Variants in CNTN5 observed in about 807,000 individuals in gnomAD.
CNTN5 encodes contactin-5.
A neutral mutation model predicts 129.1 loss-of-function variants in CNTN5; 77 were observed. That is an observed-to-expected ratio of 0.60 (90% CI 0.50 to 0.72). The LOEUF (loss-of-function observed/expected upper bound fraction) is 0.72, where lower values mean the gene tolerates loss of function less well. Ranked by LOEUF, CNTN5 falls within the 30% of genes least tolerant of loss-of-function variation. CNTN5 has a pLI of 0.00. For missense variants in CNTN5, 1,478 were observed against 1,328.8 expected, an observed-to-expected ratio of 1.11 and a Z score of -1.75; for synonymous variants, 509 against 465.6, an observed-to-expected ratio of 1.09 and a Z score of -1.20.
chr11:99,860,891 C>T (rs1265129050), intron 6 of CNTN5, among the ~76,000 whole-genome samples: 1 of 150,110 alleles, frequency 6.7e-6, no homozygotes, highest in Non-Finnish European at 1.5e-5. Context: ...TTACTTTGGG[C>T]AGTGTGGGCA....
intron 7 of CNTN5, among the ~76,000 whole-genome samples, chr11:99,940,918 T>C (rs973219727): frequency 1.3e-5 from 2 of 152,144 alleles, no homozygotes; most frequent in African/African-American, 4.8e-5. Context: ...GTAGTCTTGA[T>C]AGAAAAATAA....
chr11:99,794,928 G>T (rs1034148857), intron 3 of CNTN5, among the ~76,000 whole-genome samples: 4 of 152,020 alleles, frequency 2.6e-5, no homozygotes, highest in African/African-American at 9.7e-5. Flanking sequence ...ATAATATCTT[G>T]CAGGGGTTCT....
At chr11:99,124,400 G>A (rs746878531) in intron 1 of CNTN5, among the ~76,000 whole-genome samples, 2 of 152,084 alleles carry the variant, frequency 1.3e-5, no homozygotes, top group African/African-American at 2.4e-5. Context: ...CTTTGCTAAA[G>A]TTGTTGGTAA....
intron 3 of CNTN5, among the ~76,000 whole-genome samples, chr11:99,657,045 C>T (rs1405363807): frequency 6.8e-6 from 1 of 146,174 alleles, no homozygotes; most frequent in Non-Finnish European, 1.5e-5. Flanking sequence ...TTCCCTCTGT[C>T]CCAGTGCCCA....
At chr11:99,649,671 A>G (rs1407070579) in intron 3 of CNTN5, among the ~76,000 whole-genome samples, 1 of 151,790 alleles carries the variant, frequency 6.6e-6, no homozygotes, top group Non-Finnish European at 1.5e-5. Context: ...AGAAAGCAAA[A>G]TTATCTGGAG....
chr11:99,166,345 G>C (rs1860864588), intron 1 of CNTN5, among the ~76,000 whole-genome samples: 1 of 147,664 alleles, frequency 6.8e-6, no homozygotes, highest in Non-Finnish European at 1.5e-5. Context: ...AGGTTGCAGT[G>C]AGCCAAGATT....
chr11:100,229,077 A>AT (rs1221586787), intron 16 of CNTN5, among the ~76,000 whole-genome samples: 1 of 152,166 alleles, frequency 6.6e-6, no homozygotes, highest in East Asian at 1.9e-4. Context: ...CTAATTATAT[A>AT]TTCATCTACA....
intron 1 of CNTN5, among the ~76,000 whole-genome samples, chr11:99,324,270 G>A (rs867589243): frequency 9.2e-5 from 14 of 152,050 alleles, no homozygotes; most frequent in African/African-American, 3.4e-4. Context: ...ATTTTAACAT[G>A]GAATCTTACT....
intron 18 of CNTN5, among the ~76,000 whole-genome samples, chr11:100,277,467 G>A (rs910491060): frequency 1.3e-5 from 2 of 151,976 alleles, no homozygotes; most frequent in African/African-American, 4.8e-5. Context: ...CTTTTCTCTA[G>A]ATCCTCACTA....
At chr11:100,265,644 C>T (rs1489848902) in intron 17 of CNTN5, among the ~76,000 whole-genome samples, 1 of 152,028 alleles carries the variant, frequency 6.6e-6, no homozygotes, top group African/African-American at 2.4e-5. Context: ...CCAAAATGAG[C>T]ATAAAAAATA....
At chr11:99,290,860 T>G (rs1344232759) in intron 1 of CNTN5, among the ~76,000 whole-genome samples, 1 of 151,898 alleles carries the variant, frequency 6.6e-6, no homozygotes, top group South Asian at 2.1e-4. Context: ...CTGGTTTCAT[T>G]AAAGTTATGC....
chr11:99,966,245 T>G (rs1035382872), intron 8 of CNTN5, among the ~76,000 whole-genome samples: 12 of 152,320 alleles, frequency 7.9e-5, no homozygotes, highest in African/African-American at 2.9e-4. Context: ...AGAAATTGAA[T>G]TTTACTTAAT....
At chr11:99,179,493 A>T (rs1481048164) in intron 1 of CNTN5, among the ~76,000 whole-genome samples, 2 of 152,144 alleles carry the variant, frequency 1.3e-5, no homozygotes, top group Non-Finnish European at 2.9e-5. Context: ...CATAAAAAAC[A>T]ACAAAAAAAG....
intron 3 of CNTN5, among the ~76,000 whole-genome samples, chr11:99,716,746 G>C (rs753212827): frequency 2.0e-5 from 3 of 152,078 alleles, no homozygotes; most frequent in African/African-American, 7.2e-5. Context: ...GTTTTAAATA[G>C]TTTAAGTTCT....
At chr11:99,599,970 A>T (rs189777960) in intron 3 of CNTN5, among the ~76,000 whole-genome samples, 10 of 152,288 alleles carry the variant, frequency 6.6e-5, no homozygotes, top group African/African-American at 1.9e-4. Flanking sequence ...AGAGAAAAAA[A>T]CCTTTCCTGA....
At chr11:99,673,589 C>G (rs1953140677) in intron 3 of CNTN5, among the ~76,000 whole-genome samples, 1 of 152,074 alleles carries the variant, frequency 6.6e-6, no homozygotes, top group South Asian at 2.1e-4. Flanking sequence ...CATCCTCTCC[C>G]TCCTCCCACC....
At chr11:99,948,628 T>G (rs1452031126) in intron 7 of CNTN5, among the ~76,000 whole-genome samples, 1 of 152,216 alleles carries the variant, frequency 6.6e-6, no homozygotes, top group Non-Finnish European at 1.5e-5. Flanking sequence ...AGATCGATGC[T>G]TTGTAATAAT....
At chr11:99,997,297 T>C (rs1247598243) in intron 8 of CNTN5, among the ~76,000 whole-genome samples, 1 of 152,224 alleles carries the variant, frequency 6.6e-6, no homozygotes, top group Non-Finnish European at 1.5e-5. Context: ...ATGTGTTTGC[T>C]CTTGCTTTTC....
intron 9 of CNTN5, among the ~76,000 whole-genome samples, chr11:100,045,659 C>T (rs1280437842): frequency 1.3e-5 from 2 of 150,576 alleles, no homozygotes; most frequent in Non-Finnish European, 3.0e-5. Flanking sequence ...GACTGGAAAC[C>T]AGTGGTCGGT....
Sources: allele counts gnomAD v4.1 joint callset (sites outside exome capture counted in the v4.1 genomes callset), GRCh38; gene constraint gnomAD v4.1.1; transcripts MANE v1.5; gene names NCBI Gene and HGNC (gene_info 2026-07-23, HGNC 2026-07-21).